Variants in FBXL17 observed in about 807,000 individuals in gnomAD.
FBXL17 encodes the protein F-box and leucine rich repeat protein 17.
FBXL17 carries 22 observed loss-of-function variants against 66.2 expected under a neutral mutation model. The ratio of observed to expected loss-of-function variants is 0.33; its 90% CI spans 0.24 to 0.47. FBXL17 has a LOEUF of 0.47. Ranked by LOEUF, FBXL17 falls within the 20% of genes least tolerant of loss-of-function variation. The pLI, the probability that FBXL17 is intolerant of heterozygous loss-of-function variation, is 1.00. For missense variants in FBXL17, 878 were observed against 948.2 expected (o/e 0.93, Z 0.97); for synonymous variants, 474 against 400.5 (o/e 1.18, Z -2.19).
chr5:108,173,497 T>C (rs74687489), intron 6 of FBXL17, among the ~76,000 whole-genome samples: 1,958 of 152,340 alleles, frequency 0.013, 45 homozygotes, highest in African/African-American at 0.044. Flanking sequence ...TACTGAATTA[T>C]GAAGAGATCA....
chr5:107,875,390 C>T (rs141257899), intron 8 of FBXL17, among the ~76,000 whole-genome samples: 1 of 152,292 alleles, frequency 6.6e-6, no homozygotes, highest in Non-Finnish European at 1.5e-5. Flanking sequence ...GATTCCTAAA[C>T]AAGCTGATAA....
intron 6 of FBXL17, among the ~76,000 whole-genome samples, chr5:108,092,925 T>A (rs1034612978): frequency 3.9e-5 from 6 of 152,232 alleles, no homozygotes; most frequent in Non-Finnish European, 7.3e-5. Context: ...CTTCGATTCC[T>A]ATATTATATA....
intron 4 of FBXL17, among the ~76,000 whole-genome samples, chr5:108,326,491 T>C (rs1041753198): frequency 6.6e-6 from 1 of 151,828 alleles, no homozygotes; most frequent in Non-Finnish European, 1.5e-5. Context: ...TAATCCCAGC[T>C]ACTCAGGAGG....
chr5:108,285,313 C>G (rs1436174235), intron 4 of FBXL17, among the ~76,000 whole-genome samples: 3 of 151,862 alleles, frequency 2.0e-5, no homozygotes, highest in African/African-American at 7.2e-5. Context: ...ATTTTGGCCT[C>G]CTCCCATGAA....
Position 108,083,571 on chromosome 5 carries a change from A to ATTT in FBXL17, c.1746-62573_1746-62571dup, listed in dbSNP as rs5870295. ...CATCCCACCATATTTTTTGTGGCTA[A>ATTT]TTTTTTTTTTTTTTTTGGTAGAGAC... On this transcript the variant is annotated intron_variant, in intron 6 of 8. Coordinates refer to ENST00000542267, the MANE Select transcript of FBXL17 (RefSeq NM_001163315.3). Among the ~76,000 whole-genome samples, 19 of 142,400 alleles carry ATTT rather than the reference A, an allele frequency of 1.3e-4. No homozygotes were observed. The South Asian group carries it at 1.6e-3, about 12-fold the overall frequency. The allele number at this position is 142,400 out of a possible 152,430, so 93.4% of individuals were successfully genotyped here. A position where few individuals can be genotyped will look rare whatever the true frequency, so the allele number is the denominator to read the frequency against.
At chr5:108,252,083 G>A (rs1756379382) in intron 4 of FBXL17, among the ~76,000 whole-genome samples, 1 of 152,090 alleles carries the variant, frequency 6.6e-6, no homozygotes, top group Admixed American at 6.6e-5. Flanking sequence ...TGGAATTGCT[G>A]AGTCTTAACG....
chr5:108,020,045 G>A (rs1754529308), intron 7 of FBXL17, among the ~76,000 whole-genome samples: 1 of 151,884 alleles, frequency 6.6e-6, no homozygotes, highest in Non-Finnish European at 1.5e-5. Context: ...ATGGTAGATG[G>A]TCAGTGTGAC....
At position 108,103,544 on chromosome 5, in the gene FBXL17, T is replaced by G. The variant is rs190240518; in HGVS notation, c.1746-82543A>C. Reference sequence around the variant, plus strand: ...ATTTAGGAAAAAATGAAACAGTCTTTGTGAGAATCAAAAGTAAACAAATAT... The same window carrying G: ...ATTTAGGAAAAAATGAAACAGTCTTGGTGAGAATCAAAAGTAAACAAATAT... On this transcript the variant is annotated intron_variant, in intron 6 of 8. Coordinates refer to ENST00000542267, the MANE Select transcript of FBXL17 (RefSeq NM_001163315.3). Among the ~76,000 whole-genome samples, 93 of 152,130 alleles carry G rather than the reference T, an allele frequency of 6.1e-4. 1 individual carries two copies. In the South Asian group the frequency reaches 0.013, roughly 21 times the overall value.
intron 4 of FBXL17, among the ~76,000 whole-genome samples, chr5:108,341,593 T>C (rs1000885936): frequency 1.3e-5 from 2 of 152,178 alleles, no homozygotes; most frequent in African/African-American, 4.8e-5. Context: ...AGAATTAAAA[T>C]CTGATCACAT....
At chr5:107,958,078 C>T (rs907793932) in intron 7 of FBXL17, among the ~76,000 whole-genome samples, 4 of 150,472 alleles carry the variant, frequency 2.7e-5, no homozygotes, top group Non-Finnish European at 5.9e-5. Context: ...TACAGGTGAA[C>T]AGCGCGATTA....
intron 1 of FBXL17, among the ~76,000 whole-genome samples, chr5:108,373,232 T>TATAATATATATCTAAATATATTAATATAA (rs1561562560): frequency 7.3e-6 from 1 of 136,556 alleles, no homozygotes; most frequent in Non-Finnish European, 1.5e-5. Flanking sequence ...TTAATATAAA[T>TATAATATATATCTAAATATATTAATATAA]ATAATATATA....
chr5:108,241,124 T>C (rs536263879), intron 4 of FBXL17, among the ~76,000 whole-genome samples: 43 of 152,286 alleles, frequency 2.8e-4, no homozygotes, highest in South Asian at 2.1e-3. Context: ...AAGCCCATCC[T>C]GGAAAATATG....
chr5:108,122,872 C>T (rs1750557407), intron 6 of FBXL17, among the ~76,000 whole-genome samples: 7 of 152,056 alleles, frequency 4.6e-5, no homozygotes, highest in African/African-American at 1.2e-4. Flanking sequence ...ACATGTTCCT[C>T]GCAGTCACCT....
rs142195712 is a variant in FBXL17, at chr5:108,374,192, A to T, written c.994-6239T>A. Among the ~76,000 whole-genome samples, 328 of 152,338 alleles carry T rather than the reference A, an allele frequency of 2.2e-3. 2 individuals carry two copies. The South Asian group carries it at 0.023, about 11-fold the overall frequency. ...TAAACTGAACACTTGAACAAGACTTAAACATGGCCTATCAGATATCTCTAG... is the reference window on the plus strand; with the variant it reads ...TAAACTGAACACTTGAACAAGACTTTAACATGGCCTATCAGATATCTCTAG... On this transcript the variant is annotated intron_variant, in intron 1 of 8. Transcript: ENST00000542267.
intron 4 of FBXL17, among the ~76,000 whole-genome samples, chr5:108,240,870 C>CAGAGAG (rs142698907): frequency 6.7e-6 from 1 of 150,320 alleles, no homozygotes; most frequent in Non-Finnish European, 1.5e-5. Flanking sequence ...GGGAGAGAGA[C>CAGAGAG]AGAGAGAGAG....
At chr5:108,006,978 T>G (rs1159841662) in intron 7 of FBXL17, among the ~76,000 whole-genome samples, 1 of 152,204 alleles carries the variant, frequency 6.6e-6, no homozygotes, top group Admixed American at 6.5e-5. Context: ...GGAGCGTTCT[T>G]AAAAGTTATG....
At chr5:108,290,973 A>G (rs754868810) in intron 4 of FBXL17, among the ~76,000 whole-genome samples, 2 of 152,216 alleles carry the variant, frequency 1.3e-5, no homozygotes, top group Non-Finnish European at 2.9e-5. Context: ...TTAAAACTGC[A>G]GAAGTGGAAA....
At chr5:108,171,632 TA>T (rs1752608730) in intron 6 of FBXL17, among the ~76,000 whole-genome samples, 1 of 152,178 alleles carries the variant, frequency 6.6e-6, no homozygotes. Flanking sequence ...TTAGTAGCTT[TA>T]AAAAAACAAC....
At chr5:108,299,343 A>G (rs1321253213) in intron 4 of FBXL17, 11 of 984,698 alleles carry the variant, frequency 1.1e-5, no homozygotes, top group Non-Finnish European at 1.3e-5. Flanking sequence ...CCATTAAAGT[A>G]TATTTTGTAC....
Sources: allele counts gnomAD v4.1 joint callset (sites outside exome capture counted in the v4.1 genomes callset), GRCh38; gene constraint gnomAD v4.1.1; transcripts MANE v1.5; gene names NCBI Gene and HGNC (gene_info 2026-07-23, HGNC 2026-07-21).